The following FAM107B variants were observed in gnomAD, a reference collection of about 807,000 sequenced individuals.
FAM107B encodes the protein family with sequence similarity 107 member B, also known as protein FAM107B.
A neutral mutation model predicts 31.5 loss-of-function variants in FAM107B; 21 were observed. The ratio of observed to expected loss-of-function variants is 0.67; its 90% CI spans 0.47 to 0.96. The LOEUF (loss-of-function observed/expected upper bound fraction) is 0.96, where lower values mean the gene tolerates loss of function less well. Ranked by LOEUF, FAM107B falls within the 40% of genes least tolerant of loss-of-function variation. FAM107B has a pLI of 0.00. For missense variants in FAM107B, 452 were observed against 377.1 expected, an observed-to-expected ratio of 1.20 and a Z score of -1.64; for synonymous variants, 157 against 141.5, an observed-to-expected ratio of 1.11 and a Z score of -0.78.
chr10:14,743,172 T>C (rs1832657349), intron 1 of FAM107B, among the ~76,000 whole-genome samples: 1 of 152,236 alleles, frequency 6.6e-6, no homozygotes, highest in Admixed American at 6.5e-5. Flanking sequence ...TGTCTTCTTT[T>C]GAGACGTGTC....
At chr10:14,764,178 T>C (rs768341197) in intron 1 of FAM107B, among the ~76,000 whole-genome samples, 1 of 152,252 alleles carries the variant, frequency 6.6e-6, no homozygotes, top group African/African-American at 2.4e-5. Flanking sequence ...ATATCAAAAA[T>C]TCCTTAAGTT....
chr10:14,538,675 C>T (rs1847884714), intron 2 of FAM107B, among the ~76,000 whole-genome samples: 1 of 152,188 alleles, frequency 6.6e-6, no homozygotes, highest in East Asian at 1.9e-4. Context: ...AATCAGTACA[C>T]TTTTTTGGTG....
intron 1 of FAM107B, among the ~76,000 whole-genome samples, chr10:14,766,729 C>T (rs865861736): frequency 5.3e-5 from 8 of 151,290 alleles, no homozygotes; most frequent in Admixed American, 4.0e-4. Flanking sequence ...CAAAGTAGCC[C>T]CTCTTCACCA....
In FAM107B at chr10:14,521,849, T is replaced by C; in HGVS notation, c.804+20A>G. On this transcript the variant is annotated intron_variant, in intron 4 of 4. Transcript: ENST00000181796. ...CAAGACAAAAACAAAAAAAGACAGCTTCCAGCCAATCCCCCTTACCTGCTC... is the reference window on the plus strand; with the variant it reads ...CAAGACAAAAACAAAAAAAGACAGCCTCCAGCCAATCCCCCTTACCTGCTC... The C allele has an allele frequency of 6.2e-7, 1 of 1,606,470 alleles. No homozygotes were observed. Among genetic ancestry groups the C allele is most frequent in the Non-Finnish European group, 8.5e-7 (1 of 1,177,978 alleles).
At chr10:14,718,433 G>T (rs1855832022) in intron 1 of FAM107B, among the ~76,000 whole-genome samples, 1 of 149,498 alleles carries the variant, frequency 6.7e-6, no homozygotes, top group African/African-American at 2.5e-5. Context: ...AAGAAAGAGA[G>T]GGAGGGAGGG....
At chr10:14,737,947 T>C (rs569521972) in intron 1 of FAM107B, among the ~76,000 whole-genome samples, 8 of 152,112 alleles carry the variant, frequency 5.3e-5, no homozygotes, top group Non-Finnish European at 1.2e-4. Flanking sequence ...TATTCATGGA[T>C]AAAAACTCGG....
intron 2 of FAM107B, among the ~76,000 whole-genome samples, chr10:14,585,268 T>C (rs529930209): frequency 1.2e-4 from 18 of 152,330 alleles, no homozygotes; most frequent in African/African-American, 4.3e-4. Flanking sequence ...GCCAAGAACC[T>C]GGACACCCTC....
At chr10:14,734,723 C>G (rs1856258547) in intron 1 of FAM107B, among the ~76,000 whole-genome samples, 1 of 152,050 alleles carries the variant, frequency 6.6e-6, no homozygotes, top group African/African-American at 2.4e-5. Context: ...CTGATCCTGG[C>G]ATTACTTTAC....
chr10:14,653,007 A>T (rs1403327750), intron 2 of FAM107B, among the ~76,000 whole-genome samples: 1 of 152,230 alleles, frequency 6.6e-6, no homozygotes, highest in Non-Finnish European at 1.5e-5. Flanking sequence ...TTCTAGAAAC[A>T]TGGCCATCAG....
At chr10:14,545,867 G>A (rs1390017092) in intron 2 of FAM107B, among the ~76,000 whole-genome samples, 2 of 152,106 alleles carry the variant, frequency 1.3e-5, no homozygotes, top group South Asian at 2.1e-4. Flanking sequence ...AAAACACCTC[G>A]GTCATTCATC....
At chr10:14,716,792 T>G (rs1855788636) in intron 1 of FAM107B, among the ~76,000 whole-genome samples, 1 of 152,302 alleles carries the variant, frequency 6.6e-6, no homozygotes, top group Non-Finnish European at 1.5e-5. Flanking sequence ...GAGAGTCAAC[T>G]ATTTTAAATG....
Position 14,767,977 on chromosome 10 carries a change from C to CA in FAM107B, c.411+6275dup, listed in dbSNP as rs536930768. On this transcript the variant is annotated intron_variant, in intron 1 of 4. Coordinates refer to ENST00000181796, the MANE Select transcript of FAM107B (RefSeq NM_031453.4). ...AAATTGTAAGATAAAGACCCCTGCACAAAAATCAGTTGCATTTCTATACAG... is the reference window on the plus strand; with the variant it reads ...AAATTGTAAGATAAAGACCCCTGCACAAAAAATCAGTTGCATTTCTATACAG... Among the ~76,000 whole-genome samples, 26 of 152,104 alleles carry CA rather than the reference C, an allele frequency of 1.7e-4. No homozygotes were observed. In the South Asian group the frequency reaches 5.0e-3, roughly 29 times the overall value.
intron 1 of FAM107B, among the ~76,000 whole-genome samples, chr10:14,729,692 A>G (rs1856119407): frequency 6.6e-6 from 1 of 152,208 alleles, no homozygotes; most frequent in South Asian, 2.1e-4. Context: ...TACTGGGTAT[A>G]TACCCAAAAG....
intron 1 of FAM107B, chr10:14,723,311 G>T (rs1397509428): frequency 2.0e-5 from 11 of 541,432 alleles, no homozygotes; most frequent in Non-Finnish European, 4.0e-5. Flanking sequence ...CACACCTTCA[G>T]ACCAGTCTGC....
Position 14,629,491 on chromosome 10 carries a change from AAT to A in FAM107B, c.469+38141_469+38142del, listed in dbSNP as rs1238265737. Among the ~76,000 whole-genome samples, 8 of 104,202 alleles carry A rather than the reference AAT, an allele frequency of 7.7e-5. 2 individuals are homozygous for A. Among genetic ancestry groups the A allele is most frequent in the East Asian group, 2.7e-4 (1 of 3,714 alleles). 68.4% of individuals were successfully genotyped at this position (104,202 alleles called of 152,430 possible). Reference sequence around the variant, plus strand: ...TATTTAATATATATATAACATATATAATATATATATATTTAATATATATATAT... The same window carrying A: ...TATTTAATATATATATAACATATATAATATATATATTTAATATATATATAT... On this transcript the variant is annotated intron_variant, in intron 2 of 4. Transcript: ENST00000181796.
intron 2 of FAM107B, among the ~76,000 whole-genome samples, chr10:14,648,282 C>G (rs1409677891): frequency 6.6e-6 from 1 of 152,102 alleles, no homozygotes; most frequent in African/African-American, 2.4e-5. Context: ...TCGAACTGAC[C>G]AGCCCTAATT....
intron 3 of FAM107B, among the ~76,000 whole-genome samples, chr10:14,524,238 T>G (rs1259501134): frequency 5.3e-5 from 8 of 152,074 alleles, no homozygotes; most frequent in Non-Finnish European, 1.2e-4. Flanking sequence ...AGACGGGGTT[T>G]CACCATGTTG....
chr10:14,706,031 C>T (rs1403103429), intron 1 of FAM107B, among the ~76,000 whole-genome samples: 1 of 152,094 alleles, frequency 6.6e-6, no homozygotes, highest in African/African-American at 2.4e-5. Flanking sequence ...ATTAACATAC[C>T]CTTCCTAATT....
At chr10:14,652,124 A>C (rs953332185) in intron 2 of FAM107B, among the ~76,000 whole-genome samples, 3 of 147,012 alleles carry the variant, frequency 2.0e-5, no homozygotes, top group Non-Finnish European at 3.0e-5. Flanking sequence ...GTGAAGTCAG[A>C]TCTAAAACAT....
Sources: allele counts gnomAD v4.1 joint callset (sites outside exome capture counted in the v4.1 genomes callset), GRCh38; gene constraint gnomAD v4.1.1; transcripts MANE v1.5; gene names NCBI Gene and HGNC (gene_info 2026-07-23, HGNC 2026-07-21).